Variants in GALNTL6 observed in about 807,000 individuals in gnomAD.
The protein encoded by GALNTL6 is polypeptide N-acetylgalactosaminyltransferase-like 6.
Under a neutral mutation model 73.7 loss-of-function variants are expected in GALNTL6, and 46 were observed. That is an observed-to-expected ratio of 0.62 (90% CI 0.49 to 0.80). GALNTL6 has a LOEUF of 0.80. Ranked by LOEUF, GALNTL6 falls within the 30% of genes least tolerant of loss-of-function variation. The pLI, the probability that GALNTL6 is intolerant of heterozygous loss-of-function variation, is 0.00. For missense variants in GALNTL6, 604 were observed against 755.0 expected, an observed-to-expected ratio of 0.80 and a Z score of 2.34; for synonymous variants, 259 against 263.7, an observed-to-expected ratio of 0.98 and a Z score of 0.17.
intron 5 of GALNTL6, among the ~76,000 whole-genome samples, chr4:172,502,329 T>C (rs1734289831): frequency 6.6e-6 from 1 of 152,212 alleles, no homozygotes; most frequent in African/African-American, 2.4e-5. Context: ...GAGCTACAGG[T>C]CATTTATTCC....
At chr4:172,185,941 CAGAA>C (rs1171521138) in intron 2 of GALNTL6, among the ~76,000 whole-genome samples, 1 of 152,062 alleles carries the variant, frequency 6.6e-6, no homozygotes, top group Non-Finnish European at 1.5e-5. Flanking sequence ...TGCAATTTCT[CAGAA>C]GGAAGGAATA....
At chr4:172,234,161 T>C (rs1038022592) in intron 3 of GALNTL6, among the ~76,000 whole-genome samples, 3 of 152,056 alleles carry the variant, frequency 2.0e-5, no homozygotes, top group African/African-American at 7.2e-5. Context: ...ATTTTGGATT[T>C]TAAAAATGTA....
intron 2 of GALNTL6, among the ~76,000 whole-genome samples, chr4:171,862,056 G>A (rs1333044932): frequency 6.6e-6 from 1 of 152,082 alleles, no homozygotes; most frequent in East Asian, 1.9e-4. Flanking sequence ...TAGACACGAG[G>A]TAAAGAAACT....
chr4:172,784,951 ATACT>A (rs1196879604), intron 5 of GALNTL6, among the ~76,000 whole-genome samples: 1 of 152,140 alleles, frequency 6.6e-6, no homozygotes, highest in Non-Finnish European at 1.5e-5. Context: ...GCTGAGCCAA[ATACT>A]TACTTGGCAG....
At chr4:172,857,293 G>A (rs1348338926) in intron 7 of GALNTL6, among the ~76,000 whole-genome samples, 5 of 152,172 alleles carry the variant, frequency 3.3e-5, no homozygotes, top group African/African-American at 7.2e-5. Flanking sequence ...GAGTATTAGC[G>A]ATGGTCTGAT....
intron 5 of GALNTL6, among the ~76,000 whole-genome samples, chr4:172,772,459 G>T (rs1461349515): frequency 1.3e-5 from 2 of 152,120 alleles, no homozygotes; most frequent in East Asian, 3.9e-4. Context: ...ATTTTTAGGA[G>T]AAATAAAAGC....
intron 4 of GALNTL6, among the ~76,000 whole-genome samples, chr4:172,317,190 C>G (rs1168599920): frequency 3.9e-5 from 6 of 152,190 alleles, no homozygotes; most frequent in South Asian, 2.1e-4. Flanking sequence ...TGAGCAAACT[C>G]TTGATTTTTC....
intron 5 of GALNTL6, among the ~76,000 whole-genome samples, chr4:172,742,671 A>C (rs546676817): frequency 6.6e-6 from 1 of 152,046 alleles, no homozygotes; most frequent in Non-Finnish European, 1.5e-5. Flanking sequence ...ACTACCTATA[A>C]AATAGCATGT....
chr4:172,375,569 AC>A (rs1287728053), intron 5 of GALNTL6, among the ~76,000 whole-genome samples: 2 of 152,166 alleles, frequency 1.3e-5, no homozygotes, highest in Non-Finnish European at 2.9e-5. Flanking sequence ...GCACTCACCA[AC>A]ACAGCAGCAG....
chr4:172,962,897 C>T (rs985545152), intron 10 of GALNTL6, among the ~76,000 whole-genome samples: 1 of 152,092 alleles, frequency 6.6e-6, no homozygotes, highest in African/African-American at 2.4e-5. Context: ...GGCTCATCTC[C>T]CTGCTTCTGC....
At chr4:172,567,306 C>G (rs1736590132) in intron 5 of GALNTL6, among the ~76,000 whole-genome samples, 1 of 152,030 alleles carries the variant, frequency 6.6e-6, no homozygotes, top group East Asian at 1.9e-4. Context: ...AAGTCCCTCA[C>G]AGAGTTGATG....
chr4:172,064,291 G>C (rs2092962470), intron 2 of GALNTL6, among the ~76,000 whole-genome samples: 1 of 152,124 alleles, frequency 6.6e-6, no homozygotes, highest in African/African-American at 2.4e-5. Context: ...TGACAATCAA[G>C]TCAGCATTAT....
chr4:172,899,031 T>C (rs1746482617), intron 8 of GALNTL6, among the ~76,000 whole-genome samples: 1 of 152,134 alleles, frequency 6.6e-6, no homozygotes, highest in South Asian at 2.1e-4. Context: ...GCCCAATTGA[T>C]CATGACCCTC....
At chr4:172,250,266 G>A (rs1275021089) in intron 3 of GALNTL6, among the ~76,000 whole-genome samples, 2 of 152,152 alleles carry the variant, frequency 1.3e-5, no homozygotes, top group East Asian at 3.9e-4. Flanking sequence ...TTTCCCCAAT[G>A]GCTGTATCCC....
At chr4:171,904,880 T>C (rs1371492029) in intron 2 of GALNTL6, among the ~76,000 whole-genome samples, 1 of 152,138 alleles carries the variant, frequency 6.6e-6, no homozygotes, top group East Asian at 1.9e-4. Context: ...CAGAATTTCA[T>C]ATCCAGCCAA....
chr4:172,356,220 G>A (rs1459942251), intron 5 of GALNTL6, among the ~76,000 whole-genome samples: 2 of 152,144 alleles, frequency 1.3e-5, no homozygotes, highest in Non-Finnish European at 2.9e-5. Context: ...CTTTCAGACA[G>A]CTGTTTTGAA....
chr4:172,607,351 G>T (rs1462172371), intron 5 of GALNTL6, among the ~76,000 whole-genome samples: 1 of 152,044 alleles, frequency 6.6e-6, no homozygotes, highest in African/African-American at 2.4e-5. Context: ...GTGTTCATGT[G>T]TACTCAATGT....
At chr4:172,929,579 G>T (rs1748223838) in intron 8 of GALNTL6, among the ~76,000 whole-genome samples, 3 of 152,132 alleles carry the variant, frequency 2.0e-5, no homozygotes, top group South Asian at 2.1e-4. Context: ...CTCAGTAGAG[G>T]TCAGACTTTG....
intron 2 of GALNTL6, among the ~76,000 whole-genome samples, chr4:171,953,658 A>G (rs1738954336): frequency 6.6e-6 from 1 of 152,178 alleles, no homozygotes; most frequent in Non-Finnish European, 1.5e-5. Context: ...TAGAATTTGC[A>G]GCTTTACATT....
Sources: allele counts gnomAD v4.1 joint callset (sites outside exome capture counted in the v4.1 genomes callset), GRCh38; gene constraint gnomAD v4.1.1; transcripts MANE v1.5; gene names NCBI Gene and HGNC (gene_info 2026-07-23, HGNC 2026-07-21).